Variants in MAGI1 observed in about 807,000 individuals in gnomAD.
The protein encoded by MAGI1 is membrane-associated guanylate kinase, WW and PDZ domain-containing protein 1.
In MAGI1, 58 loss-of-function variants were observed where a neutral mutation model predicts 139.9. The ratio of observed to expected loss-of-function variants is 0.41; its 90% confidence interval spans 0.34 to 0.52. The LOEUF (loss-of-function observed/expected upper bound fraction) is 0.52, where lower values mean the gene tolerates loss of function less well. Ranked by LOEUF, MAGI1 falls within the 20% of genes least tolerant of loss-of-function variation. The pLI, the probability that MAGI1 is intolerant of heterozygous loss-of-function variation, is 0.12. For synonymous variants in MAGI1, 812 were observed against 737.9 expected (o/e 1.10, Z -1.63); for missense variants, 1,874 against 1,901.6 (o/e 0.99, Z 0.27).
intron 1 of MAGI1, among the ~76,000 whole-genome samples, chr3:65,676,000 G>A (rs1325640312): frequency 1.3e-5 from 2 of 152,152 alleles, no homozygotes; most frequent in East Asian, 3.9e-4. Context: ...ATAGTTTGGA[G>A]GAGAAAAACC....
chr3:65,985,753 T>G (rs2065847832), intron 1 of MAGI1, among the ~76,000 whole-genome samples: 1 of 152,172 alleles, frequency 6.6e-6, no homozygotes, highest in Non-Finnish European at 1.5e-5. Flanking sequence ...AGGGGGTGGT[T>G]TTCAGTAGTC....
intron 12 of MAGI1, among the ~76,000 whole-genome samples, chr3:65,425,153 TA>T (rs1946946783): frequency 2.2e-5 from 3 of 135,656 alleles, no homozygotes; most frequent in Admixed American, 2.2e-4. Flanking sequence ...CACACATGCC[TA>T]AACATCATAC....
At chr3:65,757,533 G>T (rs1401007623) in intron 1 of MAGI1, among the ~76,000 whole-genome samples, 5 of 152,160 alleles carry the variant, frequency 3.3e-5, no homozygotes, top group Non-Finnish European at 7.3e-5. Context: ...AGCTACTTGG[G>T]AGGCTAAGGC....
At chr3:65,939,762 T>C (rs778050262) in intron 1 of MAGI1, among the ~76,000 whole-genome samples, 1 of 152,160 alleles carries the variant, frequency 6.6e-6, no homozygotes, top group Non-Finnish European at 1.5e-5. Context: ...AGTCATGGTA[T>C]CAAGTCTCAT....
chr3:65,432,046 T>C (rs4234685), intron 10 of MAGI1, among the ~76,000 whole-genome samples: 149,538 of 152,280 alleles, frequency 0.98, 73,485 homozygotes, highest in East Asian at 1. Flanking sequence ...CGCTAAATTA[T>C]TTCCAAACAT....
chr3:65,877,038 T>A (rs1405964329), intron 1 of MAGI1, among the ~76,000 whole-genome samples: 1 of 152,138 alleles, frequency 6.6e-6, no homozygotes, highest in African/African-American at 2.4e-5. Flanking sequence ...CCACTGCGCC[T>A]GGCCTATGCT....
At chr3:65,670,299 T>C (rs1224470938) in intron 1 of MAGI1, among the ~76,000 whole-genome samples, 1 of 151,652 alleles carries the variant, frequency 6.6e-6, no homozygotes, top group East Asian at 1.9e-4. Context: ...TATATGCATA[T>C]ACATACATAT....
intron 1 of MAGI1, among the ~76,000 whole-genome samples, chr3:65,749,510 G>C (rs2035966867): frequency 6.6e-6 from 1 of 151,994 alleles, no homozygotes; most frequent in Non-Finnish European, 1.5e-5. Flanking sequence ...ATGGACTTTG[G>C]GGACTCAAGG....
At chr3:65,472,306 T>TTTATGCACACTCC (rs2107589273) in intron 4 of MAGI1, among the ~76,000 whole-genome samples, 1 of 152,226 alleles carries the variant, frequency 6.6e-6, no homozygotes, top group Non-Finnish European at 1.5e-5. Context: ...TTTTCACACT[T>TTTATGCACACTCC]AAGTGCATAA....
intron 1 of MAGI1, among the ~76,000 whole-genome samples, chr3:65,738,493 G>A (rs948439585): frequency 6.6e-6 from 1 of 152,168 alleles, no homozygotes; most frequent in African/African-American, 2.4e-5. Context: ...GTTCTTAATG[G>A]CCTCTAGAAT....
intron 1 of MAGI1, among the ~76,000 whole-genome samples, chr3:65,820,518 T>C (rs1416530796): frequency 1.3e-5 from 2 of 152,098 alleles, no homozygotes; most frequent in African/African-American, 4.8e-5. Context: ...ACATACACAT[T>C]AGGCGTCCTT....
intron 1 of MAGI1, among the ~76,000 whole-genome samples, chr3:66,008,595 T>C (rs1180965376): frequency 6.6e-6 from 1 of 152,204 alleles, no homozygotes; most frequent in African/African-American, 2.4e-5. Context: ...ACAAGTGGTC[T>C]TATGAGAGCA....
rs189231660 is a variant in MAGI1 at position 66,017,015 on chromosome 3, C to T, written c.313+20981G>A. 5.5e-4 allele frequency among the ~76,000 whole-genome samples: 83 copies of T among 152,206 alleles called. 1 individual carries two copies. Among genetic ancestry groups the T allele is most frequent in the Middle Eastern group, 6.8e-3 (2 of 294 alleles). ...AGGGGAATGGGGAGTTGGTAATAGGCACAGTAGGAGAAGATGAAAAAGTTC... is the reference window on the plus strand; with the variant it reads ...AGGGGAATGGGGAGTTGGTAATAGGTACAGTAGGAGAAGATGAAAAAGTTC... On this transcript the variant is annotated intron_variant, in intron 1 of 22. Coordinates refer to ENST00000402939, the MANE Select transcript of MAGI1 (RefSeq NM_001033057.2).
chr3:65,707,413 G>A (rs1400659030), intron 1 of MAGI1, among the ~76,000 whole-genome samples: 4 of 152,108 alleles, frequency 2.6e-5, no homozygotes, highest in Admixed American at 6.5e-5. Context: ...CAACCGGCCT[G>A]AGCCACAGCG....
At chr3:65,489,365 T>C (rs1418561623) in intron 3 of MAGI1, among the ~76,000 whole-genome samples, 1 of 152,182 alleles carries the variant, frequency 6.6e-6, no homozygotes, top group East Asian at 1.9e-4. Context: ...CAATAAATAT[T>C]TGTTGAAATA....
At chr3:65,929,372 C>T (rs890394285) in intron 1 of MAGI1, among the ~76,000 whole-genome samples, 1 of 150,760 alleles carries the variant, frequency 6.6e-6, no homozygotes, top group East Asian at 1.9e-4. Context: ...GACCGAGTCT[C>T]GCTCTGTCAC....
intron 1 of MAGI1, among the ~76,000 whole-genome samples, chr3:65,938,631 T>G (rs955275366): frequency 2.6e-5 from 4 of 152,096 alleles, no homozygotes; most frequent in African/African-American, 9.7e-5. Flanking sequence ...TAAATTAAAA[T>G]AAAGTATCAA....
rs10529713 is a variant in MAGI1, at chr3:66,006,805, GGTTTTGTTTT to G, written c.313+31181_313+31190del. ...TAGCGGTCCTCTCTTTGAAGAACATGGTTTTGTTTTGTTTTGTTTTGTTTTGTTTTGTTTT... is the reference window on the plus strand; with the variant it reads ...TAGCGGTCCTCTCTTTGAAGAACATGGTTTTGTTTTGTTTTGTTTTGTTTT... On this transcript the variant is annotated intron_variant, in intron 1 of 22. Coordinates refer to ENST00000402939, the MANE Select transcript of MAGI1 (RefSeq NM_001033057.2). Among the ~76,000 whole-genome samples the G allele has an allele frequency of 9.7e-3, 1,434 of 147,882 alleles. 32 individuals are homozygous for G. The highest frequency in any genetic ancestry group is 0.028 in the African/African-American group (1,114 of 39,848).
chr3:65,456,843 T>C (rs577802134), intron 5 of MAGI1, among the ~76,000 whole-genome samples: 3 of 152,348 alleles, frequency 2.0e-5, no homozygotes, highest in South Asian at 4.1e-4. Context: ...GGCACACTTA[T>C]GGATCTATCT....
Sources: allele counts gnomAD v4.1 joint callset (sites outside exome capture counted in the v4.1 genomes callset), GRCh38; gene constraint gnomAD v4.1.1; transcripts MANE v1.5; gene names NCBI Gene and HGNC (gene_info 2026-07-23, HGNC 2026-07-21).